The following CTNNA2 variants were observed in gnomAD, a reference collection of about 807,000 sequenced individuals.
The protein encoded by CTNNA2 is catenin alpha-2.
A neutral mutation model predicts 101.0 loss-of-function variants in CTNNA2; 42 were observed. The ratio of observed to expected loss-of-function variants is 0.42; its 90% CI spans 0.32 to 0.54. The LOEUF (loss-of-function observed/expected upper bound fraction) is 0.54, where lower values mean the gene tolerates loss of function less well. Among genes scored for constraint, CTNNA2 ranks in the 20% least tolerant of loss-of-function variants. The pLI is 0.14. For missense variants in CTNNA2, 871 were observed against 1,223.1 expected, an observed-to-expected ratio of 0.71 and a Z score of 4.29; for synonymous variants, 450 against 456.4, an observed-to-expected ratio of 0.99 and a Z score of 0.18.
rs759844097 is a variant in CTNNA2 at position 80,419,465 on chromosome 2, T to C, written c.1154T>C (p.Met385Thr). The C allele has an allele frequency of 6.2e-7, 1 of 1,611,122 alleles. No individual in the cohort carries two copies. The highest frequency in any genetic ancestry group is 8.5e-7 in the Non-Finnish European group (1 of 1,177,846). The change falls in exon 9 of 19, where the codon ATG (methionine) becomes ACG (threonine). Residue 385 changes from methionine to threonine, a missense_variant. Met to Thr is a moderately conservative substitution (Grantham distance 81, BLOSUM62 -1). Around this residue, in one of 5 missense-constraint regions of CTNNA2, gnomAD observed 647 missense variants for 831.5 expected, o/e 0.78. Coordinates refer to ENST00000402739, the MANE Select transcript of CTNNA2 (RefSeq NM_001282597.3). ...CAACTGTAGCTTCGGAAAGCAGTGA[T>C]GGATCACATATCTGACTCTTTCCTG... ...DLRRQLRKAVMDHISDSFLET... is the reference protein window; with the variant it reads ...DLRRQLRKAVTDHISDSFLET...
At chr2:80,091,278 G>A (rs920412073) in intron 7 of CTNNA2, among the ~76,000 whole-genome samples, 1 of 151,960 alleles carries the variant, frequency 6.6e-6, no homozygotes, top group Admixed American at 6.6e-5. Context: ...ATTACTATTC[G>A]ACTTGTTTTC....
At chr2:79,237,455 T>C (rs2104249121) in intron 2 of CTNNA2, among the ~76,000 whole-genome samples, 1 of 152,302 alleles carries the variant, frequency 6.6e-6, no homozygotes, top group South Asian at 2.1e-4. Context: ...TGAGTGAGCA[T>C]TGCCTTCAAC....
intron 9 of CTNNA2, among the ~76,000 whole-genome samples, chr2:80,544,485 G>C (rs1691863834): frequency 6.6e-6 from 1 of 152,052 alleles, no homozygotes; most frequent in South Asian, 2.1e-4. Flanking sequence ...TAATATTTGA[G>C]TTGGCTATTA....
At chr2:79,417,874 A>G (rs924989864) in intron 4 of CTNNA2, among the ~76,000 whole-genome samples, 6 of 152,298 alleles carry the variant, frequency 3.9e-5, no homozygotes, top group African/African-American at 1.4e-4. Flanking sequence ...CTGCACAAAC[A>G]TAATAAATTC....
At chr2:80,068,871 G>A (rs1013407009) in intron 7 of CTNNA2, among the ~76,000 whole-genome samples, 17 of 152,242 alleles carry the variant, frequency 1.1e-4, no homozygotes, top group African/African-American at 3.6e-4. Context: ...GCCATGATGC[G>A]TGGTCCATGG....
At chr2:79,700,223 A>T (rs919197181) in intron 2 of CTNNA2, among the ~76,000 whole-genome samples, 1 of 152,134 alleles carries the variant, frequency 6.6e-6, no homozygotes, top group African/African-American at 2.4e-5. Context: ...TCATCAAAGT[A>T]TTATAGGTAG....
At chr2:79,477,011 C>T (rs1477275968) in intron 4 of CTNNA2, among the ~76,000 whole-genome samples, 1 of 152,148 alleles carries the variant, frequency 6.6e-6, no homozygotes, top group East Asian at 1.9e-4. Context: ...TCAAGATAGT[C>T]CCTATGACAA....
chr2:80,119,190 G>T (rs1435091915), intron 7 of CTNNA2, among the ~76,000 whole-genome samples: 2 of 152,192 alleles, frequency 1.3e-5, no homozygotes, highest in Non-Finnish European at 2.9e-5. Context: ...GGCTGTTGCG[G>T]TTGCAGGCAT....
At chr2:80,167,749 A>T (rs534682164) in intron 7 of CTNNA2, among the ~76,000 whole-genome samples, 42 of 152,324 alleles carry the variant, frequency 2.8e-4, no homozygotes, top group Non-Finnish European at 5.4e-4. Context: ...AATTAGTTGT[A>T]ATGCACGGAT....
intron 3 of CTNNA2, among the ~76,000 whole-genome samples, chr2:79,372,684 A>G (rs1425655951): frequency 1.3e-5 from 2 of 152,216 alleles, no homozygotes; most frequent in African/African-American, 4.8e-5. Context: ...CCTTGAATCA[A>G]TACCTCCCCA....
At chr2:80,448,690 G>A (rs1374176875) in intron 9 of CTNNA2, among the ~76,000 whole-genome samples, 1 of 152,238 alleles carries the variant, frequency 6.6e-6, no homozygotes, top group Admixed American at 6.5e-5. Context: ...TTTATACCCT[G>A]AATATCTTAG....
At chr2:79,569,950 C>T (rs956674825) in intron 1 of CTNNA2, among the ~76,000 whole-genome samples, 1 of 152,210 alleles carries the variant, frequency 6.6e-6, no homozygotes, top group South Asian at 2.1e-4. Flanking sequence ...TTGTGTCCTC[C>T]TGAATGCAGT....
At chr2:79,893,935 T>C (rs1684480623) in intron 6 of CTNNA2, among the ~76,000 whole-genome samples, 1 of 152,200 alleles carries the variant, frequency 6.6e-6, no homozygotes, top group African/African-American at 2.4e-5. Context: ...TTTTTAAGTA[T>C]CTGAAAAATT....
chr2:79,249,497 T>C (rs149519698), intron 2 of CTNNA2, among the ~76,000 whole-genome samples: 325 of 152,262 alleles, frequency 2.1e-3, no homozygotes, highest in African/African-American at 7.4e-3. Flanking sequence ...GATTACCAAC[T>C]TTCCCTGGGC....
chr2:79,571,116 T>C (rs888951237), intron 1 of CTNNA2, among the ~76,000 whole-genome samples: 2 of 152,234 alleles, frequency 1.3e-5, no homozygotes, highest in East Asian at 1.9e-4. Flanking sequence ...GCACTGATTC[T>C]GGAGGATTAT....
chr2:80,616,383 A>G (rs2149798017), intron 17 of CTNNA2: 1 of 151,818 alleles, frequency 6.6e-6, no homozygotes, highest in East Asian at 2.0e-4. Flanking sequence ...CTTCAATTAT[A>G]ACATTTTGAT....
intron 18 of CTNNA2, among the ~76,000 whole-genome samples, chr2:80,628,759 C>G (rs996418420): frequency 6.6e-6 from 1 of 152,036 alleles, no homozygotes; most frequent in African/African-American, 2.4e-5. Context: ...TTCCCAGTAG[C>G]CTTCCCTTGC....
At chr2:80,262,359 T>A (rs1294161445) in intron 7 of CTNNA2, among the ~76,000 whole-genome samples, 1 of 152,224 alleles carries the variant, frequency 6.6e-6, no homozygotes, top group Non-Finnish European at 1.5e-5. Context: ...AGTACCCTAT[T>A]GCTAGGAATA....
At chr2:79,728,987 G>C (rs900702631) in intron 2 of CTNNA2, among the ~76,000 whole-genome samples, 2 of 152,262 alleles carry the variant, frequency 1.3e-5, no homozygotes, top group South Asian at 2.1e-4. Flanking sequence ...TAGCCTTGTA[G>C]TATAGTTTGA....
Sources: allele counts gnomAD v4.1 joint callset (sites outside exome capture counted in the v4.1 genomes callset), GRCh38; gene constraint gnomAD v4.1.1; regional missense constraint gnomAD v4.1.1; transcripts MANE v1.5; gene names NCBI Gene and HGNC (gene_info 2026-07-23, HGNC 2026-07-21).